FYCO1: variants seen among roughly 807,000 people sequenced by gnomAD.
FYCO1 encodes FYVE and coiled-coil domain autophagy adaptor 1, also known as FYVE and coiled-coil domain-containing protein 1.
Under a neutral mutation model 165.1 loss-of-function variants are expected in FYCO1, and 122 were observed. The observed-to-expected ratio is 0.74, with a 90% CI of 0.64 to 0.86. The LOEUF is 0.86. Ranked by LOEUF, FYCO1 falls within the 40% of genes least tolerant of loss-of-function variation. The probability of loss-of-function intolerance (pLI) is 0.00; values close to 1 mark genes in which losing one functional copy is unlikely to be tolerated. For synonymous variants in FYCO1, 648 were observed against 742.5 expected, an observed-to-expected ratio of 0.87 and a Z score of 2.07; for missense variants, 1,702 against 1,810.3, an observed-to-expected ratio of 0.94 and a Z score of 1.09.
Position 45,966,617 on chromosome 3 carries a change from GCTGTGT to G in FYCO1, c.2711_2716del (p.Asp904_Thr905del). 6.2e-7 allele frequency: 1 copy of G among 1,614,166 alleles called. No homozygotes were observed. The highest frequency in any genetic ancestry group is 1.1e-5 in the South Asian group (1 of 91,082). On this transcript the variant is annotated inframe_deletion, in exon 8 of 18. Coordinates refer to ENST00000296137, the MANE Select transcript of FYCO1 (RefSeq NM_024513.4). ...TGCGCAAACCTGGATGCCCAGCTCA[GCTGTGT>G]CTGTGTTGGCCCGGTGCAGCTGCTC...
At position 45,921,574 on chromosome 3, in the gene FYCO1, C is replaced by T. The variant is rs111480321; in HGVS notation, c.*191G>A. ...GAAACATTGCCTGAGCCCTTCAACGCCTCGGGGGCTAAGAGTGGCCGGTGC... is the reference window on the plus strand; with the variant it reads ...GAAACATTGCCTGAGCCCTTCAACGTCTCGGGGGCTAAGAGTGGCCGGTGC... On this transcript the variant is annotated 3_prime_UTR_variant, in exon 18 of 18. Coordinates refer to ENST00000296137, the MANE Select transcript of FYCO1 (RefSeq NM_024513.4). 6.5e-3 allele frequency: 4,000 copies of T among 612,342 alleles called. 108 individuals carry two copies. The highest frequency in any genetic ancestry group is 0.059 in the African/African-American group (3,210 of 54,604). The allele number at this position is 612,342 out of a possible 1,614,324, so 37.9% of individuals were successfully genotyped here. A position where few individuals can be genotyped will look rare whatever the true frequency, so the allele number is the denominator to read the frequency against.
At chr3:45,954,256 T>C (rs34381952) in intron 14 of FYCO1, among the ~76,000 whole-genome samples, 14,290 of 152,132 alleles carry the variant, frequency 0.094, 1,034 homozygotes, top group South Asian at 0.35. Flanking sequence ...CATTAGCTAT[T>C]GTTAGTGTTA....
In FYCO1 at chr3:45,979,746, C is replaced by A. The variant is rs1559466202; in HGVS notation, c.247G>T (p.Gly83Ter). ...ACAAAGCGGATCCCATCATTGGCTC[C>A]TTTCACCTTGGCCAGGCAGGCACAG... is the stretch of plus-strand genomic sequence containing the variant. Reference protein sequence around the residue: ...YFCACLAKVKGANDGIRFVKS... With the variant: ...YFCACLAKVK The change falls in exon 4 of 18, where the codon GGA becomes TGA. Residue 83 changes from glycine (G) to a stop codon, truncating the protein, a stop_gained. Coordinates refer to ENST00000296137, the MANE Select transcript of FYCO1 (RefSeq NM_024513.4). LOFTEE classifies it high-confidence loss of function. The A allele has an allele frequency of 6.2e-7, 1 of 1,614,106 alleles. No homozygotes were observed. Among genetic ancestry groups the A allele is most frequent in the Non-Finnish European group, 8.5e-7 (1 of 1,179,958 alleles).
intron 3 of FYCO1, among the ~76,000 whole-genome samples, chr3:45,980,531 A>C (rs1416448031): frequency 6.6e-6 from 1 of 152,234 alleles, no homozygotes; most frequent in African/African-American, 2.4e-5. Flanking sequence ...GAGTCATTTC[A>C]AACCCAAAAC....
Position 45,933,056 on chromosome 3 carries a change from C to T in FYCO1, c.4041-1775G>A, listed in dbSNP as rs1388552014. Among the ~76,000 whole-genome samples, 4 of 152,330 alleles carry T rather than the reference C, an allele frequency of 2.6e-5. No individual in the cohort carries two copies. In the East Asian group the frequency reaches 5.8e-4, roughly 22 times the overall value. On this transcript the variant is annotated intron_variant, in intron 15 of 17. Transcript: ENST00000296137. ...TTGTGCCTCAATCATCTAGTCTAGA[C>T]ATCATCTAGACATCATCTATTCAGT...
At chr3:45,934,779 A>G (rs1412323508) in intron 15 of FYCO1, among the ~76,000 whole-genome samples, 1 of 152,214 alleles carries the variant, frequency 6.6e-6, no homozygotes, top group African/African-American at 2.4e-5. Flanking sequence ...ACTATTTCTA[A>G]TTGTCACTGC....
chr3:45,986,598 A>G (rs1248813709), intron 1 of FYCO1, among the ~76,000 whole-genome samples: 2 of 152,214 alleles, frequency 1.3e-5, no homozygotes, highest in Admixed American at 6.5e-5. Context: ...AAACAGACAC[A>G]TGCCCGTACC....
At position 45,975,206 on chromosome 3, in the gene FYCO1, T is replaced by C. The variant is rs147795043; in HGVS notation, c.395+33A>G. ...AACTTTAGTTCATTTCTGCACGGGA[T>C]GATCCCAAACCCCAGCCCTGTCCTG... On this transcript the variant is annotated intron_variant, in intron 5 of 17. Transcript: ENST00000296137. 131 of 1,417,730 alleles carry C rather than the reference T, an allele frequency of 9.2e-5. No homozygotes were observed. The East Asian group carries it at 2.7e-3, about 29-fold the overall frequency. 87.8% of individuals were successfully genotyped at this position (1,417,730 alleles called of 1,614,324 possible).
intron 1 of FYCO1, among the ~76,000 whole-genome samples, chr3:45,988,825 T>G (rs963268533): frequency 6.6e-6 from 1 of 152,218 alleles, no homozygotes; most frequent in African/African-American, 2.4e-5. Flanking sequence ...CTGTATGAGT[T>G]CCTAGTCATG....
At chr3:45,958,718 A>C in intron 12 of FYCO1, 99 bp from the exon 13 acceptor site, 20 of 1,151,474 alleles carry the variant, frequency 1.7e-5, no homozygotes, top group East Asian at 2.4e-5. Flanking sequence ...TGTGACTCTC[A>C]TCAGACCTGG....
chr3:45,931,839 T>G (rs1477048891), intron 15 of FYCO1, among the ~76,000 whole-genome samples: 2 of 152,190 alleles, frequency 1.3e-5, no homozygotes, highest in Non-Finnish European at 2.9e-5. Flanking sequence ...AATGCCAACA[T>G]CCCATACTCT....
intron 13 of FYCO1, 59 bp downstream of exon 13, chr3:45,958,349 C>T (rs1443316650): frequency 6.7e-6 from 10 of 1,482,300 alleles, no homozygotes; most frequent in South Asian, 3.5e-5. Flanking sequence ...GCCACAACAT[C>T]GGTAGGGGAG....
Position 45,973,246 on chromosome 3 carries a change from G to T in FYCO1, c.396-15C>A. The T allele has an allele frequency of 6.2e-7, 1 of 1,613,218 alleles. No individual in the cohort carries two copies. The highest frequency in any genetic ancestry group is 2.2e-5 in the East Asian group (1 of 44,874). The stretch of plus-strand genomic sequence containing the variant: ...AGTACCAGTCACTGCAGAAAAACAT[G>T]TCAATTATAAGAGTAATAAAGATAA... On this transcript the variant is annotated splice_polypyrimidine_tract_variant and intron_variant, in intron 5 of 17. Transcript: ENST00000296137.
chr3:45,933,337 GCTGTCA>G (rs1703724473), intron 15 of FYCO1, among the ~76,000 whole-genome samples: 1 of 152,244 alleles, frequency 6.6e-6, no homozygotes, highest in South Asian at 2.1e-4. Flanking sequence ...TCCTTAGCTT[GCTGTCA>G]CTCTCTTTGA....
At chr3:45,929,477 C>T (rs192563312) in intron 16 of FYCO1, among the ~76,000 whole-genome samples, 285 of 152,312 alleles carry the variant, frequency 1.9e-3, no homozygotes, top group African/African-American at 6.6e-3. Context: ...CAAACACTCA[C>T]GGTGTCTGAT....
At chr3:45,987,755 G>T (rs1707376446) in intron 1 of FYCO1, among the ~76,000 whole-genome samples, 1 of 152,196 alleles carries the variant, frequency 6.6e-6, no homozygotes, top group Non-Finnish European at 1.5e-5. Flanking sequence ...GGAAGGAGGT[G>T]ATAGCAACAA....
At position 45,967,353 on chromosome 3, in the gene FYCO1, C is replaced by T; in HGVS notation, c.1981G>A (p.Ala661Thr). 1 of 1,608,928 alleles carries T rather than the reference C, an allele frequency of 6.2e-7. No homozygotes were observed. Among genetic ancestry groups the T allele is most frequent in the Admixed American group, 1.7e-5 (1 of 59,894 alleles). Residue 661 changes from alanine to threonine, a missense_variant, in exon 8 of 18, where the codon GCC (alanine) becomes ACC (threonine). Physicochemically the swap from Ala to Thr is moderately conservative, Grantham distance 58. Coordinates refer to ENST00000296137, the MANE Select transcript of FYCO1 (RefSeq NM_024513.4). ...QRESAIQGSL[A>T]SLEAEQASIR... ...CTGGCCTGCTCGGCCTCCAGGGAGGCCAAGGAGCCCTGGATGGCTGATTCC... is the reference window on the plus strand; with the variant it reads ...CTGGCCTGCTCGGCCTCCAGGGAGGTCAAGGAGCCCTGGATGGCTGATTCC...
At chr3:45,928,005 T>G (rs1379882540) in intron 16 of FYCO1, among the ~76,000 whole-genome samples, 3 of 152,254 alleles carry the variant, frequency 2.0e-5, no homozygotes, top group Non-Finnish European at 4.4e-5. Flanking sequence ...TTTTCATTCA[T>G]TCCAGCTGTT....
chr3:45,980,977 T>C (rs775741387), intron 3 of FYCO1, among the ~76,000 whole-genome samples: 4 of 152,192 alleles, frequency 2.6e-5, no homozygotes, highest in African/African-American at 4.8e-5. Flanking sequence ...AGTTATACCA[T>C]CAATATGTTA....
Sources: gnomAD v4.1 joint callset for allele counts (sites outside exome capture counted in the v4.1 genomes callset) on GRCh38, gnomAD v4.1.1 for gene constraint, MANE v1.5 for transcripts, NCBI Gene and HGNC (gene_info 2026-07-23, HGNC 2026-07-21) for gene names.